The following EYS variants were observed in gnomAD, a reference collection of about 807,000 sequenced individuals.
EYS encodes EGF-like photoreceptor maintenance factor.
A neutral mutation model predicts 282.1 loss-of-function variants in EYS; 250 were observed. The ratio of observed to expected loss-of-function variants is 0.89; its 90% CI spans 0.80 to 0.98. The LOEUF is 0.98. Among genes scored for constraint, EYS ranks in the 50% least tolerant of loss-of-function variants. The probability of loss-of-function intolerance (pLI) is 0.00; values close to 1 mark genes in which losing one functional copy is unlikely to be tolerated. For missense variants in EYS, 4,016 were observed against 3,709.0 expected (o/e 1.08, Z -2.15); for synonymous variants, 1,355 against 1,282.9 (o/e 1.06, Z -1.20).
chr6:64,622,742 A>G (rs532087692), intron 23 of EYS, among the ~76,000 whole-genome samples: 8 of 152,306 alleles, frequency 5.3e-5, no homozygotes, highest in African/African-American at 1.9e-4. Flanking sequence ...TGTTTAGCCA[A>G]TTTAAAGACA....
At chr6:65,558,367 C>A (rs759560522) in intron 2 of EYS, among the ~76,000 whole-genome samples, 6 of 152,242 alleles carry the variant, frequency 3.9e-5, no homozygotes, top group African/African-American at 1.2e-4. Context: ...GGCTCGGCCA[C>A]AACTTTGCTC....
At position 64,704,548 on chromosome 6, in the gene EYS, T is replaced by C. The variant is rs931509831; in HGVS notation, c.3444-78303A>G. Among the ~76,000 whole-genome samples, 2 of 67,756 alleles carry C rather than the reference T, an allele frequency of 3.0e-5. 1 individual carries two copies. Among genetic ancestry groups the C allele is most frequent in the South Asian group, 1.7e-3 (2 of 1,206 alleles). The allele number at this position is 67,756 out of a possible 152,430, so 44.5% of individuals were successfully genotyped here. A position where few individuals can be genotyped will look rare whatever the true frequency, so the allele number is the denominator to read the frequency against. On this transcript the variant is annotated intron_variant, in intron 22 of 42. Coordinates refer to ENST00000503581, the MANE Select transcript of EYS (RefSeq NM_001142800.2). ...AATACTTATAATAATATTATAATTA[T>C]AATACTTATAATACTCTCATTGAAA... is the stretch of plus-strand genomic sequence containing the variant.
chr6:64,124,099 A>G (rs1418943403), intron 31 of EYS, among the ~76,000 whole-genome samples: 1 of 152,226 alleles, frequency 6.6e-6, no homozygotes, highest in Non-Finnish European at 1.5e-5. Context: ...AAGGCAGGGA[A>G]AAGTGTACTG....
intron 36 of EYS, among the ~76,000 whole-genome samples, chr6:63,829,178 T>C (rs1278007885): frequency 6.6e-6 from 1 of 151,958 alleles, no homozygotes; most frequent in Admixed American, 6.6e-5. Flanking sequence ...AGAAGATGGG[T>C]AATTTCTGCA....
intron 22 of EYS, among the ~76,000 whole-genome samples, chr6:64,735,797 C>G (rs572674250): frequency 8.6e-5 from 13 of 151,918 alleles, no homozygotes; most frequent in Non-Finnish European, 1.8e-4. Flanking sequence ...TAGCAATTTA[C>G]TAATGTGTAT....
chr6:64,584,661 T>A, intron 26 of EYS, among the ~76,000 whole-genome samples: 1 of 152,168 alleles, frequency 6.6e-6, no homozygotes, highest in Non-Finnish European at 1.5e-5. Context: ...TTTTTGAATA[T>A]ATTTTACTGC....
chr6:64,977,868 G>T (rs1480415063), intron 14 of EYS, among the ~76,000 whole-genome samples: 1 of 151,872 alleles, frequency 6.6e-6, no homozygotes, highest in Admixed American at 6.6e-5. Flanking sequence ...TCAATTCTGT[G>T]AAGGCTGAGA....
chr6:65,282,493 T>A (rs1016406460), intron 12 of EYS, among the ~76,000 whole-genome samples: 5 of 151,888 alleles, frequency 3.3e-5, no homozygotes, highest in African/African-American at 7.2e-5. Context: ...AAAACAAAAA[T>A]AAGTTGTTAA....
Position 65,686,268 on chromosome 6 carries a change from T to C in EYS, c.-448+20867A>G, listed in dbSNP as rs150429325. Among the ~76,000 whole-genome samples the C allele has an allele frequency of 5.5e-3, 839 of 152,182 alleles. 7 individuals are homozygous for C. Among genetic ancestry groups the C allele is most frequent in the African/African-American group, 0.019 (787 of 41,532 alleles). Reference sequence around the variant, plus strand: ...TTCCCGGCTCTTCCCCAGAAGACAATGCTAAGAGCCCTTAATTGATACTGA... The same window carrying C: ...TTCCCGGCTCTTCCCCAGAAGACAACGCTAAGAGCCCTTAATTGATACTGA... On this transcript the variant is annotated intron_variant, in intron 1 of 42. Transcript: ENST00000503581.
At chr6:64,990,922 T>G (rs1445654994) in intron 14 of EYS, among the ~76,000 whole-genome samples, 2 of 151,580 alleles carry the variant, frequency 1.3e-5, no homozygotes, top group Non-Finnish European at 3.0e-5. Context: ...ATAAATTTAA[T>G]CAGTTTCAGA....
intron 33 of EYS, among the ~76,000 whole-genome samples, chr6:64,015,734 C>A (rs901479851): frequency 1.1e-4 from 16 of 152,160 alleles, no homozygotes; most frequent in Admixed American, 2.0e-4. Context: ...CATTGTCATT[C>A]TCTGAGAGGT....
intron 12 of EYS, among the ~76,000 whole-genome samples, chr6:65,273,402 T>G (rs901852657): frequency 2.0e-5 from 3 of 152,208 alleles, no homozygotes; most frequent in East Asian, 1.9e-4. Flanking sequence ...AAAATAAATA[T>G]GCATTCATTC....
chr6:65,320,039 G>T (rs1769427567), intron 11 of EYS, among the ~76,000 whole-genome samples: 1 of 151,674 alleles, frequency 6.6e-6, no homozygotes. Context: ...TTGTAGCTCT[G>T]TGATGCCTAA....
intron 35 of EYS, among the ~76,000 whole-genome samples, chr6:63,900,701 G>A (rs1773637220): frequency 6.6e-6 from 1 of 152,156 alleles, no homozygotes. Flanking sequence ...AAAATGGAAG[G>A]CTTATTGGCT....
intron 12 of EYS, among the ~76,000 whole-genome samples, chr6:65,134,414 C>T (rs373256605): frequency 7.9e-5 from 12 of 152,036 alleles, no homozygotes; most frequent in African/African-American, 2.2e-4. Context: ...ACCAGATAGC[C>T]TTAAAAAAAT....
chr6:65,174,948 T>C (rs1466467420), intron 12 of EYS, among the ~76,000 whole-genome samples: 1 of 151,336 alleles, frequency 6.6e-6, no homozygotes, highest in Non-Finnish European at 1.5e-5. Flanking sequence ...ACTAAGATTA[T>C]TTTTTGTTCA....
At chr6:63,870,657 C>T (rs1210249723) in intron 35 of EYS, among the ~76,000 whole-genome samples, 1 of 152,108 alleles carries the variant, frequency 6.6e-6, no homozygotes, top group Admixed American at 6.5e-5. Flanking sequence ...GTTGATTTGG[C>T]AGGCTTGCTC....
chr6:63,825,368 C>T lies in EYS; in HGVS notation c.7229-18996G>A, dbSNP rs13201096. 4.5e-3 allele frequency among the ~76,000 whole-genome samples: 690 copies of T among 152,290 alleles called. 2 individuals carry two copies. The highest frequency in any genetic ancestry group is 7.4e-3 in the Non-Finnish European group (504 of 68,020). The stretch of plus-strand genomic sequence containing the variant: ...TATAATCTTGGGAGTTCTAGGGCCC[C>T]GCCCACTGCCCATCCCTCTCCACAC... On this transcript the variant is annotated intron_variant, in intron 36 of 42. Transcript: ENST00000503581.
chr6:63,856,709 C>G (rs765595396), intron 36 of EYS, among the ~76,000 whole-genome samples: 1 of 152,126 alleles, frequency 6.6e-6, no homozygotes, highest in Non-Finnish European at 1.5e-5. Flanking sequence ...ATTTTGCTAA[C>G]TTAGAAAAAT....
Sources: gnomAD v4.1 joint callset for allele counts (sites outside exome capture counted in the v4.1 genomes callset) on GRCh38, gnomAD v4.1.1 for gene constraint, MANE v1.5 for transcripts, NCBI Gene and HGNC (gene_info 2026-07-23, HGNC 2026-07-21) for gene names.